Variants in RHOBTB1 observed in about 807,000 individuals in gnomAD.
The protein encoded by RHOBTB1 is rho-related BTB domain-containing protein 1.
A neutral mutation model predicts 71.6 loss-of-function variants in RHOBTB1; 40 were observed. That is an observed-to-expected ratio of 0.56 (90% CI 0.43 to 0.73). The LOEUF is 0.73. RHOBTB1 is among the 30% of genes least tolerant of loss of function. The probability of loss-of-function intolerance (pLI) is 0.00; values close to 1 mark genes in which losing one functional copy is unlikely to be tolerated. For missense variants in RHOBTB1, 797 were observed against 894.0 expected (o/e 0.89, Z 1.38); for synonymous variants, 319 against 334.9 (o/e 0.95, Z 0.52).
intron 2 of RHOBTB1, among the ~76,000 whole-genome samples, chr10:60,916,724 G>A (rs970548769): frequency 2.6e-5 from 4 of 152,116 alleles, no homozygotes; most frequent in Non-Finnish European, 4.4e-5. Context: ...ATACGTCCAC[G>A]GAATCCGCGG....
Position 60,888,668 on chromosome 10 carries a change from C to T in RHOBTB1, c.1000G>A (p.Glu334Lys). 2.5e-6 allele frequency: 4 copies of T among 1,614,212 alleles called. No individual in the cohort carries two copies. The highest frequency in any genetic ancestry group is 3.4e-6 in the Non-Finnish European group (4 of 1,180,038). ...TGAGGAATCCTAGGCGGGCCCTCCT[C>T]CCTTTCTTCCTCTGGGTCGACACTC... is the stretch of plus-strand genomic sequence containing the variant. ...ILSVDPEEEREEGPPRIPQAD... is the reference protein window; with the variant it reads ...ILSVDPEEERKEGPPRIPQAD... Residue 334 changes from glutamate to lysine, a missense_variant, in exon 6 of 11, where the codon GAG becomes AAG. Glu to Lys is a moderately conservative substitution (Grantham distance 56). Transcript: ENST00000337910.
chr10:60,934,870 C>T (rs1047766252), intron 2 of RHOBTB1, among the ~76,000 whole-genome samples: 4 of 152,120 alleles, frequency 2.6e-5, no homozygotes, highest in Admixed American at 6.5e-5. Context: ...AGCACATGGG[C>T]TTCATTGCTT....
chr10:60,887,052 C>A (rs1371293163), intron 6 of RHOBTB1, among the ~76,000 whole-genome samples: 1 of 151,370 alleles, frequency 6.6e-6, no homozygotes, highest in Non-Finnish European at 1.5e-5. Flanking sequence ...CTCCAATTAT[C>A]CCTAAATCGT....
upstream of RHOBTB1, among the ~76,000 whole-genome samples, chr10:60,944,649 C>T (rs1420941415): frequency 1.3e-5 from 2 of 152,208 alleles, no homozygotes; most frequent in African/African-American, 4.8e-5. Flanking sequence ...GGGCCACTAA[C>T]CGGCTGGGCA....
At position 60,892,848 on chromosome 10, in the gene RHOBTB1, G is replaced by A. The variant is rs1187621953; in HGVS notation, c.444C>T (p.Asp148=). ...GCCTGGCTCGATTAACAGCTTCCAG[G>A]TCGGCATAGCGGAGATCAAGCTGGC... ...VGCQLDLRYA[D]LEAVNRARRP... The change falls in exon 5 of 11, where the codon GAC becomes GAT. Residue 148 remains aspartate (D), a synonymous_variant. Coordinates refer to ENST00000337910, the MANE Select transcript of RHOBTB1 (RefSeq NM_014836.5). The A allele has an allele frequency of 1.1e-5, 18 of 1,613,542 alleles. No homozygotes were observed. Among genetic ancestry groups the A allele is most frequent in the Non-Finnish European group, 1.5e-5 (18 of 1,179,822 alleles).
At chr10:60,911,684 T>C (rs1442111047) in intron 2 of RHOBTB1, 132 bp from the exon 3 acceptor site, 1 of 732,506 alleles carries the variant, frequency 1.4e-6, no homozygotes, top group African/African-American at 1.7e-5. Flanking sequence ...GGAAAGAATG[T>C]TTGGAAGTTC....
intron 7 of RHOBTB1, among the ~76,000 whole-genome samples, chr10:60,885,803 T>A (rs2081540759): frequency 6.6e-6 from 1 of 152,154 alleles, no homozygotes; most frequent in Non-Finnish European, 1.5e-5. Context: ...GTACAGCTGA[T>A]CTTGTCTTCA....
At chr10:60,899,808 A>C (rs2082328286) in intron 4 of RHOBTB1, among the ~76,000 whole-genome samples, 1 of 152,234 alleles carries the variant, frequency 6.6e-6, no homozygotes, top group Non-Finnish European at 1.5e-5. Flanking sequence ...ATCAAGAAGA[A>C]AAATATTAAA....
intron 2 of RHOBTB1, among the ~76,000 whole-genome samples, chr10:60,927,439 C>A (rs1254779151): frequency 6.6e-6 from 1 of 152,080 alleles, no homozygotes; most frequent in South Asian, 2.1e-4. Context: ...GAGCTGGAGG[C>A]ATCACATTAT....
intron 2 of RHOBTB1, among the ~76,000 whole-genome samples, chr10:60,955,532 A>T (rs1323326485): frequency 6.6e-6 from 1 of 152,182 alleles, no homozygotes; most frequent in Non-Finnish European, 1.5e-5. Context: ...ATCTGTCCTG[A>T]GCTATCCCAA....
intron 7 of RHOBTB1, 71 bp from the exon 8 acceptor site, chr10:60,878,129 G>C: frequency 2.4e-6 from 3 of 1,230,746 alleles, no homozygotes; most frequent in Non-Finnish European, 3.5e-6. Flanking sequence ...AGGCTATGCT[G>C]CTTATAAATA....
At chr10:60,878,856 T>C (rs2081174250) in intron 7 of RHOBTB1, among the ~76,000 whole-genome samples, 1 of 152,236 alleles carries the variant, frequency 6.6e-6, no homozygotes, top group African/African-American at 2.4e-5. Flanking sequence ...AATGGAGATG[T>C]ACACTGCGTA....
At chr10:60,880,224 A>T (rs1157570909) in intron 7 of RHOBTB1, among the ~76,000 whole-genome samples, 9 of 139,618 alleles carry the variant, frequency 6.4e-5, no homozygotes, top group Non-Finnish European at 7.8e-5. Context: ...AGAGAGAGAG[A>T]GAGAGAGAGA....
intron 7 of RHOBTB1, among the ~76,000 whole-genome samples, chr10:60,883,116 G>C (rs752825478): frequency 6.6e-6 from 1 of 152,172 alleles, no homozygotes. Flanking sequence ...GGGCGAGAAT[G>C]TCGACAGCTC....
At chr10:60,908,419 C>T (rs1435413353) in intron 4 of RHOBTB1, among the ~76,000 whole-genome samples, 1 of 152,182 alleles carries the variant, frequency 6.6e-6, no homozygotes, top group Non-Finnish European at 1.5e-5. Flanking sequence ...GAGTACATCC[C>T]ACTGAACTGT....
intron 2 of RHOBTB1, among the ~76,000 whole-genome samples, chr10:60,959,751 C>G (rs1027009150): frequency 1.3e-5 from 2 of 152,150 alleles, no homozygotes; most frequent in Non-Finnish European, 2.9e-5. Flanking sequence ...TAAAAAATAA[C>G]TAGATGGGAC....
In RHOBTB1 at chr10:60,879,305, A is replaced by T. The variant is rs1307580001; in HGVS notation, c.1576-1247T>A. Among the ~76,000 whole-genome samples, 3 of 152,112 alleles carry T rather than the reference A, an allele frequency of 2.0e-5. No individual in the cohort carries two copies. In the East Asian group the frequency reaches 5.8e-4, roughly 29 times the overall value. On this transcript the variant is annotated intron_variant, in intron 7 of 10. Coordinates refer to ENST00000337910, the MANE Select transcript of RHOBTB1 (RefSeq NM_014836.5). ...TTTATTAATGGTTTGTAAGAATTCT[A>T]CTTCAAAAGGATGAACAATTATGAG...
At chr10:60,917,084 C>A (rs759527689) in intron 2 of RHOBTB1, among the ~76,000 whole-genome samples, 3 of 152,208 alleles carry the variant, frequency 2.0e-5, no homozygotes, top group African/African-American at 4.8e-5. Flanking sequence ...CATGTCAGAC[C>A]TTTGATTTTC....
chr10:60,933,016 T>C (rs2084349762), intron 2 of RHOBTB1, among the ~76,000 whole-genome samples: 1 of 152,256 alleles, frequency 6.6e-6, no homozygotes, highest in Non-Finnish European at 1.5e-5. Context: ...GACTATCATA[T>C]GCTCGTTAGG....
Sources: gnomAD v4.1 joint callset for allele counts (sites outside exome capture counted in the v4.1 genomes callset) on GRCh38, gnomAD v4.1.1 for gene constraint, MANE v1.5 for transcripts, NCBI Gene and HGNC (gene_info 2026-07-23, HGNC 2026-07-21) for gene names.